SYT3: variants seen among roughly 807,000 people sequenced by gnomAD.
SYT3 encodes the protein synaptotagmin-3.
A neutral mutation model predicts 50.6 loss-of-function variants in SYT3; 25 were observed. The observed-to-expected ratio is 0.49, with a 90% CI of 0.36 to 0.69. The LOEUF is 0.69. SYT3 is among the 30% of genes least tolerant of loss of function. The probability of loss-of-function intolerance (pLI) is 0.00; values close to 1 mark genes in which losing one functional copy is unlikely to be tolerated. For synonymous variants in SYT3, 323 were observed against 353.9 expected (o/e 0.91, Z 0.98); for missense variants, 589 against 793.6 (o/e 0.74, Z 3.10).
the SYT3 span, among the ~76,000 whole-genome samples, chr19:50,650,636 A>G: frequency 2.0e-5 from 3 of 151,938 alleles, no homozygotes; most frequent in Admixed American, 2.0e-4. Context: ...GTGCCACTGC[A>G]CTCCAGCCTG....
the SYT3 span, chr19:50,649,520 CTG>C: frequency 2.6e-6 from 4 of 1,536,100 alleles, no homozygotes; most frequent in Non-Finnish European, 3.5e-6. Context: ...AGGTACTGAG[CTG>C]TGTCTTTGGG....
rs767470022 is a variant in SYT3 at position 50,632,833 on chromosome 19, G to A, written c.149-22C>T. On this transcript the variant is annotated intron_variant, in intron 3 of 10. Coordinates refer to ENST00000600079, the MANE Select transcript of SYT3 (RefSeq NM_001160329.2). This position sits in a 1 kb window ranked among gnomAD's most constrained non-coding sequence, Gnocchi z 4.7. ...ATGTCTGGAGAGAACGAGGACAGAG[G>A]TAGGGGTCAGGATGGGGTCACAGTA... 1 of 1,485,456 alleles carries A rather than the reference G, an allele frequency of 6.7e-7. No homozygotes were observed. The highest frequency in any genetic ancestry group is 2.2e-5 in the Admixed American group (1 of 44,504). 92.0% of individuals were successfully genotyped at this position (1,485,456 alleles called of 1,614,324 possible).
At position 50,632,665 on chromosome 19, in the gene SYT3, CT is replaced by C; in HGVS notation, c.294del (p.Asp99ThrfsTer2). ...GCCAGCCCGACACCAGGGCCTAGGT[CT>C]TTGCGCAGGGGGCCACCGCCCACTG... ...GSAVGGGPLR[K>X]DLGPGVGLAG... On this transcript the variant is annotated frameshift_variant, in exon 4 of 11. Coordinates refer to ENST00000600079, the MANE Select transcript of SYT3 (RefSeq NM_001160329.2). LOFTEE classifies it high-confidence loss of function. This position sits in a 1 kb window ranked among gnomAD's most constrained non-coding sequence, Gnocchi z 4.7. 6.3e-7 allele frequency: 1 copy of C among 1,591,056 alleles called. No homozygotes were observed.
chr19:50,637,370 G>A lies in SYT3; in HGVS notation c.42C>T (p.Leu14=), dbSNP rs772274713. Residue 14 remains leucine, a synonymous_variant, in exon 3 of 11, where the codon CTC becomes CTT. Coordinates refer to ENST00000600079, the MANE Select transcript of SYT3 (RefSeq NM_001160329.2). This position sits in a 1 kb window ranked among gnomAD's most constrained non-coding sequence, Gnocchi z 4.9. ...DYEDDLCRRA[L]ILVSDLCARV... is the part of the protein sequence containing the mutation. ...GCGCACAGAGGTCCGAGACCAGGAT[G>A]AGTGCCCGCCGGCAGAGGTCATCCT... The A allele has an allele frequency of 1.9e-6, 3 of 1,610,452 alleles. No individual in the cohort carries two copies. Among genetic ancestry groups the A allele is most frequent in the Non-Finnish European group, 2.5e-6 (3 of 1,178,500 alleles).
intron 3 of SYT3, among the ~76,000 whole-genome samples, chr19:50,633,171 TGA>T (rs899628809): frequency 9.5e-5 from 12 of 126,158 alleles, no homozygotes; most frequent in Admixed American, 3.3e-4. Context: ...TCTGTAGAGA[TGA>T]GGTCTTGCTA....
chr19:50,651,899 T>C, the SYT3 span, among the ~76,000 whole-genome samples: 1 of 152,258 alleles, frequency 6.6e-6, no homozygotes, highest in East Asian at 1.9e-4. Flanking sequence ...GAGAAACTAT[T>C]GTATTCACAT....
chr19:50,642,264 G>A (rs1251227852), upstream of SYT3, among the ~76,000 whole-genome samples: 1 of 152,256 alleles, frequency 6.6e-6, no homozygotes, highest in Non-Finnish European at 1.5e-5. Flanking sequence ...CTGTTCCACA[G>A]GGAGAGACAC....
the SYT3 span, chr19:50,656,212 C>A: frequency 6.5e-7 from 1 of 1,536,040 alleles, no homozygotes; most frequent in Admixed American, 2.0e-5. Flanking sequence ...CCTGCCTGTT[C>A]GCTCTCTCCC....
upstream of SYT3, among the ~76,000 whole-genome samples, chr19:50,641,461 G>A (rs1269898984): frequency 1.3e-5 from 2 of 149,018 alleles, no homozygotes; most frequent in East Asian, 2.2e-4. Context: ...GAGCCACCGC[G>A]CCCGGCCTAG....
At chr19:50,641,948 T>C (rs1310316896), upstream of SYT3, among the ~76,000 whole-genome samples, 1 of 152,234 alleles carries the variant, frequency 6.6e-6, no homozygotes, top group East Asian at 1.9e-4. Context: ...TGCTTGCTGC[T>C]TCTGCAAATA....
intron 4 of SYT3, among the ~76,000 whole-genome samples, chr19:50,631,433 G>A (rs1984303101): frequency 6.6e-6 from 1 of 152,038 alleles, no homozygotes; most frequent in Admixed American, 6.6e-5. Context: ...CAAAGTGCTG[G>A]GATTACAGGC....
At chr19:50,627,769 C>T (rs558874756) in intron 6 of SYT3, among the ~76,000 whole-genome samples, 12 of 149,032 alleles carry the variant, frequency 8.1e-5, no homozygotes, top group African/African-American at 2.7e-4. Context: ...ATGTATGAAT[C>T]AATGGAATGA....
Position 50,632,554 on chromosome 19 carries a change from C to A in SYT3, c.406G>T (p.Ala136Ser). ...TCAGCAAAGGGTGGATGGTGGGCGG[C>A]ATGGGCATGGTGGTGTGGGCCGCCC... ...LLGGPHHHAH[A>S]AHHPPFAELL... Residue 136 changes from alanine to serine, a missense_variant, in exon 4 of 11, where the codon GCC (alanine) becomes TCC (serine). By Grantham distance (99) the Ala-to-Ser change is moderately conservative. This residue lies in a region of SYT3 where 316 missense variants were observed against 354.3 expected (regional missense o/e 0.89). Coordinates refer to ENST00000600079, the MANE Select transcript of SYT3 (RefSeq NM_001160329.2). The surrounding 1 kb of genome is among the most constrained non-coding windows in gnomAD (Gnocchi z 4.7). 1 of 1,600,220 alleles carries A rather than the reference C, an allele frequency of 6.2e-7. No individual in the cohort carries two copies. Among genetic ancestry groups the A allele is most frequent in the African/African-American group, 1.3e-5 (1 of 74,940 alleles).
chr19:50,627,784 G>A (rs1473371170), intron 6 of SYT3, among the ~76,000 whole-genome samples: 1 of 152,034 alleles, frequency 6.6e-6, no homozygotes, highest in African/African-American at 2.4e-5. Flanking sequence ...GAATGAGTGA[G>A]GAAAACCTCA....
Position 50,625,590 on chromosome 19 carries a change from CAG to C in SYT3, c.1403-28_1403-27del. Reference sequence around the variant, plus strand: ...CTGGGAACAGCAATGAAGTAAGGAACAGAGACTCACTCCCTCAGACCTAGGGG... The same window carrying C: ...CTGGGAACAGCAATGAAGTAAGGAACAGACTCACTCCCTCAGACCTAGGGG... On this transcript the variant is annotated intron_variant, in intron 7 of 10. Transcript: ENST00000600079. The surrounding 1 kb of genome is among the most constrained non-coding windows in gnomAD (Gnocchi z 7.5). 6.5e-7 allele frequency: 1 copy of C among 1,549,588 alleles called. No individual in the cohort carries two copies. Among genetic ancestry groups the C allele is most frequent in the South Asian group, 1.2e-5 (1 of 80,654 alleles).
intron 2 of SYT3, among the ~76,000 whole-genome samples, chr19:50,638,804 AG>A (rs1984576757): frequency 6.6e-6 from 1 of 152,114 alleles, no homozygotes; most frequent in Non-Finnish European, 1.5e-5. Context: ...TGGGTTCATA[AG>A]GGAAGGTTCA....
At chr19:50,655,650 A>G in the SYT3 span, among the ~76,000 whole-genome samples, 4 of 150,130 alleles carry the variant, frequency 2.7e-5, no homozygotes, top group East Asian at 1.9e-4. Context: ...CTCTGTCTCA[A>G]AAAAAAAAAA....
rs2123014752 is a variant in SYT3 at position 50,632,847 on chromosome 19, G to A, written c.149-36C>T. 1.4e-6 allele frequency: 2 copies of A among 1,468,962 alleles called. No individual in the cohort carries two copies. Among genetic ancestry groups the A allele is most frequent in the East Asian group, 2.3e-5 (1 of 42,676 alleles). 91.0% of individuals were successfully genotyped at this position (1,468,962 alleles called of 1,614,324 possible). On this transcript the variant is annotated intron_variant, in intron 3 of 10. Coordinates refer to ENST00000600079, the MANE Select transcript of SYT3 (RefSeq NM_001160329.2). This position sits in a 1 kb window ranked among gnomAD's most constrained non-coding sequence, Gnocchi z 4.7. Reference sequence around the variant, plus strand: ...CGAGGACAGAGGTAGGGGTCAGGATGGGGTCACAGTACATCCTCCCTCTGC... The same window carrying A: ...CGAGGACAGAGGTAGGGGTCAGGATAGGGTCACAGTACATCCTCCCTCTGC...
chr19:50,653,872 C>T, the SYT3 span, among the ~76,000 whole-genome samples: 1 of 151,856 alleles, frequency 6.6e-6, no homozygotes, highest in Non-Finnish European at 1.5e-5. Flanking sequence ...CAGGCAAGCC[C>T]ATGACTGGGA....
Sources: allele counts gnomAD v4.1 joint callset (sites outside exome capture counted in the v4.1 genomes callset), GRCh38; gene constraint gnomAD v4.1.1; regional missense constraint gnomAD v4.1.1; non-coding constraint Gnocchi (gnomAD v3.1); transcripts MANE v1.5; gene names NCBI Gene and HGNC (gene_info 2026-07-23, HGNC 2026-07-21).